The following CCDC85C variants were observed in gnomAD, a reference collection of about 807,000 sequenced individuals.
CCDC85C encodes coiled-coil domain containing 85C, also known as coiled-coil domain-containing protein 85C.
A neutral mutation model predicts 38.3 loss-of-function variants in CCDC85C; 18 were observed. The ratio of observed to expected loss-of-function variants is 0.47; its 90% confidence interval spans 0.33 to 0.70. CCDC85C has a LOEUF of 0.70. Among genes scored for constraint, CCDC85C ranks in the 30% least tolerant of loss-of-function variants. CCDC85C has a pLI of 0.03. For synonymous variants in CCDC85C, 264 were observed against 293.8 expected (o/e 0.90, Z 1.04); for missense variants, 566 against 621.2 (o/e 0.91, Z 0.94).
In CCDC85C at chr14:99,569,833, C is replaced by T. The variant is rs74440231; in HGVS notation, c.793+33334G>A. Among the ~76,000 whole-genome samples the T allele has an allele frequency of 6.6e-6, 1 of 152,082 alleles. No homozygotes were observed. Among genetic ancestry groups the T allele is most frequent in the African/African-American group, 2.4e-5 (1 of 41,408 alleles). On this transcript the variant is annotated intron_variant, in intron 1 of 5. Transcript: ENST00000380243. This position sits in a 1 kb window ranked among gnomAD's most constrained non-coding sequence, Gnocchi z 4.3. ...CTGCGGATACTGGAGGTTAGAAAGA[C>T]CCCTGTTGTAATCCCAACTTTGGGA... is the stretch of plus-strand genomic sequence containing the variant.
intron 2 of CCDC85C, among the ~76,000 whole-genome samples, chr14:99,534,492 G>T (rs112343559): frequency 1.3e-5 from 2 of 152,122 alleles, no homozygotes; most frequent in African/African-American, 4.8e-5. Flanking sequence ...TCACTGACCC[G>T]GGGGCCCGAG....
chr14:99,575,690 T>C (rs1595096075), intron 1 of CCDC85C, among the ~76,000 whole-genome samples: 1 of 152,304 alleles, frequency 6.6e-6, no homozygotes, highest in Non-Finnish European at 1.5e-5. Context: ...CTGCCAGGGA[T>C]GAGCAGGCCA....
intron 1 of CCDC85C, among the ~76,000 whole-genome samples, chr14:99,602,186 C>G (rs1276361568): frequency 1.3e-5 from 2 of 152,234 alleles, no homozygotes; most frequent in Non-Finnish European, 2.9e-5. Context: ...GCCCCGGATC[C>G]ACCAGCGAGG....
rs893243412 is a variant in CCDC85C, at chr14:99,558,985, C to G, written c.794-22897G>C. Among the ~76,000 whole-genome samples, 3 of 152,098 alleles carry G rather than the reference C, an allele frequency of 2.0e-5. No individual in the cohort carries two copies. The highest frequency in any genetic ancestry group is 4.8e-5 in the African/African-American group (2 of 41,402). On this transcript the variant is annotated intron_variant, in intron 1 of 5. Coordinates refer to ENST00000380243, the MANE Select transcript of CCDC85C (RefSeq NM_001144995.2). The surrounding 1 kb of genome is among the most constrained non-coding windows in gnomAD (Gnocchi z 4.2). ...TTGTTTAAAGTGTGTGGCTCCTCCC[C>G]GCACTCTACTCCCCTCTTTCTCCTG...
rs1032233362 is a variant in CCDC85C, at chr14:99,604,074, G to T, written c.-115C>A. On this transcript the variant is annotated 5_prime_UTR_variant, in exon 1 of 6. Coordinates refer to ENST00000380243, the MANE Select transcript of CCDC85C (RefSeq NM_001144995.2). ...CGGGGGGCGGCCGGGGGCGCGTGCGGCCCGCCCCGCGCCGCCTGGCGCGTC... is the reference window on the plus strand; with the variant it reads ...CGGGGGGCGGCCGGGGGCGCGTGCGTCCCGCCCCGCGCCGCCTGGCGCGTC... 1.5e-5 allele frequency: 14 copies of T among 960,646 alleles called. No homozygotes were observed. The African/African-American group carries it at 2.1e-4, about 15-fold the overall frequency. The allele number at this position is 960,646 out of a possible 1,614,324, so 59.5% of individuals were successfully genotyped here.
intron 1 of CCDC85C, among the ~76,000 whole-genome samples, chr14:99,589,250 G>T (rs955224083): frequency 3.3e-5 from 5 of 152,244 alleles, no homozygotes; most frequent in African/African-American, 1.2e-4. Flanking sequence ...GCAGGGGGGA[G>T]CACACAGCCA....
At chr14:99,521,141 G>A (rs1018443575) in intron 3 of CCDC85C, among the ~76,000 whole-genome samples, 3 of 152,244 alleles carry the variant, frequency 2.0e-5, no homozygotes, top group Admixed American at 6.5e-5. Flanking sequence ...TGAGAGGCAC[G>A]GGGCATGAAG....
rs142818907 is a variant in CCDC85C at position 99,566,302 on chromosome 14, C to T, written c.794-30214G>A. ...GCACACTGCATGGATCATCTCAGAC[C>T]TCCAAGGTAAGCACTATCAGTGCCC... is the stretch of plus-strand genomic sequence containing the variant. On this transcript the variant is annotated intron_variant, in intron 1 of 5. Transcript: ENST00000380243. 3.4e-4 allele frequency among the ~76,000 whole-genome samples: 51 copies of T among 151,770 alleles called. No homozygotes were observed. In the East Asian group the frequency reaches 8.0e-3, roughly 24 times the overall value.
intron 1 of CCDC85C, among the ~76,000 whole-genome samples, chr14:99,573,540 A>G (rs1377241407): frequency 6.6e-6 from 1 of 152,166 alleles, no homozygotes; most frequent in Non-Finnish European, 1.5e-5. Flanking sequence ...GGTGCTGGCT[A>G]TCCAGAGCCC....
intron 1 of CCDC85C, among the ~76,000 whole-genome samples, chr14:99,598,731 C>T (rs903343061): frequency 6.6e-6 from 1 of 152,228 alleles, no homozygotes; most frequent in Admixed American, 6.5e-5. Flanking sequence ...ATCAGCCCCA[C>T]AGGACCTAGA....
In CCDC85C at chr14:99,604,190, G is replaced by T. The variant is rs1260791996; in HGVS notation, c.-231C>A. Among the ~76,000 whole-genome samples the T allele has an allele frequency of 2.7e-5, 4 of 148,262 alleles. No homozygotes were observed. The highest frequency in any genetic ancestry group is 2.4e-5 in the African/African-American group (1 of 40,992). On this transcript the variant is annotated 5_prime_UTR_variant, in exon 1 of 6. Coordinates refer to ENST00000380243, the MANE Select transcript of CCDC85C (RefSeq NM_001144995.2). ...CTGCTGCGTCGGCGGCCGCGGTGCC[G>T]GGCGCTCTCAGGGTTCTGGAGAAGC...
chr14:99,566,920 T>TG (rs1898226566), intron 1 of CCDC85C, among the ~76,000 whole-genome samples: 1 of 152,212 alleles, frequency 6.6e-6, no homozygotes. Flanking sequence ...CGGCCTGCCG[T>TG]GCCCTGGCTT....
chr14:99,593,512 G>A (rs2055110441), intron 1 of CCDC85C, among the ~76,000 whole-genome samples: 1 of 152,242 alleles, frequency 6.6e-6, no homozygotes, highest in Non-Finnish European at 1.5e-5. Context: ...GGGGCAGGGA[G>A]GTAGGGGTGC....
At chr14:99,597,343 C>T (rs1210435720) in intron 1 of CCDC85C, among the ~76,000 whole-genome samples, 7 of 152,208 alleles carry the variant, frequency 4.6e-5, no homozygotes, top group East Asian at 3.9e-4. Flanking sequence ...TGGGTTCAAC[C>T]AGATTGGATT....
chr14:99,591,574 G>C (rs548148070), intron 1 of CCDC85C, among the ~76,000 whole-genome samples: 1 of 152,286 alleles, frequency 6.6e-6, no homozygotes, highest in African/African-American at 2.4e-5. Flanking sequence ...AGGACGGGGG[G>C]GCCACCTGAG....
At chr14:99,578,493 G>A (rs769952769) in intron 1 of CCDC85C, among the ~76,000 whole-genome samples, 2 of 152,088 alleles carry the variant, frequency 1.3e-5, no homozygotes, top group Non-Finnish European at 2.9e-5. Flanking sequence ...CTTATTCAGT[G>A]TGTGTATGTC....
rs148906464 is a variant in CCDC85C at position 99,583,681 on chromosome 14, G to A, written c.793+19486C>T. ...ACATTAGCCGGGCATGGTGACAGAC[G>A]CCTGTAGTCCCACCTACTCAGGAGG... On this transcript the variant is annotated intron_variant, in intron 1 of 5. Coordinates refer to ENST00000380243, the MANE Select transcript of CCDC85C (RefSeq NM_001144995.2). 4.1e-3 allele frequency among the ~76,000 whole-genome samples: 622 copies of A among 151,838 alleles called. 3 individuals are homozygous for A. The highest frequency in any genetic ancestry group is 0.014 in the African/African-American group (586 of 41,382).
intron 1 of CCDC85C, among the ~76,000 whole-genome samples, chr14:99,584,736 C>T (rs891260744): frequency 2.0e-5 from 3 of 152,246 alleles, no homozygotes; most frequent in African/African-American, 4.8e-5. Context: ...CAGTGCTCAA[C>T]TTTCAAGTCC....
At position 99,504,829 on chromosome 14, in the gene CCDC85C, A is replaced by G. The variant is rs1327772936; in HGVS notation, c.*10417T>C. On this transcript the variant is annotated 3_prime_UTR_variant, in exon 6 of 6. Coordinates refer to ENST00000380243, the MANE Select transcript of CCDC85C (RefSeq NM_001144995.2). ...AAGAACGGGCTACACTCCATGCCAC[A>G]TGAAATGCAATTGAGTTGACGTGCA... 1.3e-5 allele frequency: 2 copies of G among 152,282 alleles called. No individual in the cohort carries two copies. The highest frequency in any genetic ancestry group is 2.9e-5 in the Non-Finnish European group (2 of 68,074). The allele number at this position is 152,282 out of a possible 1,614,324, so 9.4% of individuals were successfully genotyped here.
Sources: allele counts gnomAD v4.1 joint callset (sites outside exome capture counted in the v4.1 genomes callset), GRCh38; gene constraint gnomAD v4.1.1; non-coding constraint Gnocchi (gnomAD v3.1); transcripts MANE v1.5; gene names NCBI Gene and HGNC (gene_info 2026-07-23, HGNC 2026-07-21).